The following MANBA variants were observed in gnomAD, a reference collection of about 807,000 sequenced individuals.
The protein encoded by MANBA is beta-mannosidase.
Under a neutral mutation model 111.1 loss-of-function variants are expected in MANBA, and 83 were observed. The observed-to-expected ratio is 0.75, with a 90% confidence interval of 0.63 to 0.90. MANBA has a LOEUF of 0.90. Among genes scored for constraint, MANBA ranks in the 40% least tolerant of loss-of-function variants. The probability of loss-of-function intolerance (pLI) is 0.00; values close to 1 mark genes in which losing one functional copy is unlikely to be tolerated. For synonymous variants in MANBA, 370 were observed against 378.7 expected (o/e 0.98, Z 0.27); for missense variants, 1,036 against 1,069.0 (o/e 0.97, Z 0.43).
intron 1 of MANBA, among the ~76,000 whole-genome samples, chr4:102,747,135 C>A (rs1723617124): frequency 6.7e-6 from 1 of 149,256 alleles, no homozygotes; most frequent in Non-Finnish European, 1.5e-5. Context: ...AGTCAGGGTT[C>A]TCTAGAGGGA....
intron 2 of MANBA, among the ~76,000 whole-genome samples, chr4:102,725,432 T>C (rs1242626371): frequency 6.6e-6 from 1 of 152,008 alleles, no homozygotes; most frequent in Non-Finnish European, 1.5e-5. Context: ...ATGTGTAATT[T>C]GGGCTGGGGA....
chr4:102,638,193 G>C (rs72936909), intron 14 of MANBA, among the ~76,000 whole-genome samples: 1,708 of 152,278 alleles, frequency 0.011, 28 homozygotes, highest in African/African-American at 0.039. Flanking sequence ...GGAAGCTGAG[G>C]AGGGTAGACT....
intron 12 of MANBA, among the ~76,000 whole-genome samples, chr4:102,652,669 T>C (rs1295838924): frequency 1.3e-5 from 2 of 152,132 alleles, no homozygotes; most frequent in Non-Finnish European, 1.5e-5. Context: ...GGTGGGAGGA[T>C]TGCTTGAGCC....
At chr4:102,751,943 G>A (rs1723818464) in intron 1 of MANBA, 7 of 676,516 alleles carry the variant, frequency 1.0e-5, no homozygotes, top group East Asian at 3.1e-5. Flanking sequence ...GTGAAAGCCC[G>A]ACCGTGCTGC....
chr4:102,709,657 AC>A (rs1292545326), intron 5 of MANBA, among the ~76,000 whole-genome samples: 2 of 152,188 alleles, frequency 1.3e-5, no homozygotes, highest in Admixed American at 6.5e-5. Flanking sequence ...GGTCAGCATC[AC>A]GCTCATATCA....
chr4:102,713,519 A>G (rs886643795), intron 5 of MANBA, among the ~76,000 whole-genome samples: 1 of 152,220 alleles, frequency 6.6e-6, no homozygotes, highest in Admixed American at 6.5e-5. Flanking sequence ...TTATCCACTG[A>G]CATCTGTGAG....
intron 1 of MANBA, among the ~76,000 whole-genome samples, chr4:102,751,023 A>G (rs192150275): frequency 1.6e-4 from 25 of 152,360 alleles, no homozygotes; most frequent in African/African-American, 5.5e-4. Flanking sequence ...TGATGGATAC[A>G]TGAAATTTCA....
intron 9 of MANBA, 35 bp downstream of exon 9, chr4:102,671,246 A>G (rs757783569): frequency 7.8e-7 from 1 of 1,288,680 alleles, no homozygotes; most frequent in South Asian, 1.2e-5. Context: ...GGATATAGTA[A>G]CTTATCAATA....
intron 1 of MANBA, chr4:102,730,379 T>A (rs1722987577): frequency 2.0e-6 from 1 of 502,046 alleles, no homozygotes; most frequent in Non-Finnish European, 3.6e-6. Context: ...GTTTGCTTAG[T>A]GTAGCAAGTC....
chr4:102,732,696 G>A (rs558822628), intron 1 of MANBA, among the ~76,000 whole-genome samples: 41 of 152,184 alleles, frequency 2.7e-4, no homozygotes, highest in Non-Finnish European at 5.1e-4. Flanking sequence ...GTTAAATGCC[G>A]TGTGCCAAGC....
intron 1 of MANBA, chr4:102,751,915 G>A (rs1234242957): frequency 1.6e-6 from 1 of 633,930 alleles, no homozygotes; most frequent in Non-Finnish European, 3.1e-6. Flanking sequence ...TTATGGGAGT[G>A]GAATAGAGAG....
intron 13 of MANBA, 140 bp from the exon 14 acceptor site, chr4:102,639,997 A>T: frequency 1.2e-6 from 1 of 856,656 alleles, no homozygotes; most frequent in Non-Finnish European, 1.9e-6. Flanking sequence ...TTTAATTAGT[A>T]TTAGGAATAC....
intron 15 of MANBA, 48 bp downstream of exon 15, chr4:102,635,817 T>G: frequency 6.4e-7 from 1 of 1,556,096 alleles, no homozygotes; most frequent in Non-Finnish European, 8.9e-7. Context: ...ACTAAAGAAA[T>G]CATCTAAAAG....
chr4:102,701,255 C>A (rs1399552566), intron 5 of MANBA, among the ~76,000 whole-genome samples: 1 of 151,826 alleles, frequency 6.6e-6, no homozygotes, highest in Admixed American at 6.6e-5. Flanking sequence ...ATGTGTGTCT[C>A]TGCATGGGAG....
At position 102,664,780 on chromosome 4, in the gene MANBA, T is replaced by C. The variant is rs201881238; in HGVS notation, c.1390A>G (p.Met464Val). The change falls in exon 11 of 17, where the codon ATG becomes GTG. Residue 464 changes from methionine (M) to valine (V), a missense_variant. Met to Val is a conservative substitution (Grantham distance 21, BLOSUM62 1). Transcript: ENST00000647097. The stretch of plus-strand genomic sequence containing the variant: ...GTGAAACTGATATGATACCAATTCA[T>C]CATCAGCGCCTCCTCATTTTCATTA... ...GNNENEEALM[M>V]NWYHISFTDR... The C allele has an allele frequency of 2.5e-5, 41 of 1,610,126 alleles. No individual in the cohort carries two copies. The East Asian group carries it at 8.7e-4, about 34-fold the overall frequency.
intron 10 of MANBA, 93 bp from the exon 11 acceptor site, chr4:102,664,945 C>G: frequency 1.0e-6 from 1 of 1,000,854 alleles, no homozygotes. Context: ...CCTTGCATTT[C>G]TGCACATAAA....
intron 1 of MANBA, among the ~76,000 whole-genome samples, chr4:102,744,444 T>C (rs1342730300): frequency 2.0e-5 from 3 of 152,200 alleles, no homozygotes; most frequent in Non-Finnish European, 4.4e-5. Context: ...TCGAACAAGA[T>C]TATGACATAA....
At chr4:102,720,163 A>G (rs1357831670) in intron 4 of MANBA, among the ~76,000 whole-genome samples, 1 of 152,222 alleles carries the variant, frequency 6.6e-6, no homozygotes, top group Non-Finnish European at 1.5e-5. Context: ...AAGCCAGCAC[A>G]GTAGCTCACG....
At chr4:102,678,161 A>G (rs1248228280) in intron 7 of MANBA, among the ~76,000 whole-genome samples, 3 of 152,172 alleles carry the variant, frequency 2.0e-5, no homozygotes, top group African/African-American at 7.2e-5. Context: ...TTTCTGTGCA[A>G]ATGTTCTTAT....
Sources: gnomAD v4.1 joint callset for allele counts (sites outside exome capture counted in the v4.1 genomes callset) on GRCh38, gnomAD v4.1.1 for gene constraint, MANE v1.5 for transcripts, NCBI Gene and HGNC (gene_info 2026-07-23, HGNC 2026-07-21) for gene names.